PRKAG2: variants seen among roughly 807,000 people sequenced by gnomAD.
The protein encoded by PRKAG2 is 5'-AMP-activated protein kinase subunit gamma-2.
Under a neutral mutation model 69.6 loss-of-function variants are expected in PRKAG2, and 26 were observed. That is an observed-to-expected ratio of 0.37 (90% confidence interval 0.27 to 0.52). The LOEUF is 0.52. PRKAG2 is among the 20% of genes least tolerant of loss of function. The pLI is 0.90. For synonymous variants in PRKAG2, 293 were observed against 285.0 expected (o/e 1.03, Z -0.28); for missense variants, 557 against 740.0 (o/e 0.75, Z 2.87).
rs749721119 is a variant in PRKAG2, at chr7:151,807,420, C to T, written c.115-20879G>A. On this transcript the variant is annotated intron_variant, in intron 1 of 15. Coordinates refer to ENST00000287878, the MANE Select transcript of PRKAG2 (RefSeq NM_016203.4). The surrounding 1 kb of genome is among the most constrained non-coding windows in gnomAD (Gnocchi z 4.4). Reference sequence around the variant, plus strand: ...AGCTGTGCTGTGGGTGACGGTCATACTTTATTCTCTAAAACTCTCCAGTTT... The same window carrying T: ...AGCTGTGCTGTGGGTGACGGTCATATTTTATTCTCTAAAACTCTCCAGTTT... The T allele has an allele frequency of 2.6e-5, 12 of 457,740 alleles. No homozygotes were observed. Among genetic ancestry groups the T allele is most frequent in the Non-Finnish European group, 3.5e-5 (8 of 226,978 alleles). 28.4% of individuals were successfully genotyped at this position (457,740 alleles called of 1,614,324 possible).
At chr7:151,823,373 G>A (rs372528775) in intron 1 of PRKAG2, among the ~76,000 whole-genome samples, 3 of 151,416 alleles carry the variant, frequency 2.0e-5, no homozygotes, top group Non-Finnish European at 4.4e-5. Flanking sequence ...GCTTGCACCC[G>A]CAAAAAAGAC....
intron 1 of PRKAG2, among the ~76,000 whole-genome samples, chr7:151,844,839 C>T (rs1273513893): frequency 1.3e-5 from 2 of 152,212 alleles, no homozygotes; most frequent in Non-Finnish European, 2.9e-5. Context: ...ATGAATAAAT[C>T]GGTATCATTC....
chr7:151,870,157 G>GATGATAGA (rs1563769271), intron 1 of PRKAG2, among the ~76,000 whole-genome samples: 3 of 112,620 alleles, frequency 2.7e-5, no homozygotes, highest in Admixed American at 1.8e-4. Context: ...AGATAGATAG[G>GATGATAGA]CAGGCAGGCA....
intron 8 of PRKAG2, among the ~76,000 whole-genome samples, chr7:151,573,716 A>G (rs917936210): frequency 6.6e-6 from 1 of 152,214 alleles, no homozygotes; most frequent in Non-Finnish European, 1.5e-5. Context: ...AAGAAATAAT[A>G]CACTTCATGG....
rs201735117 is a variant in PRKAG2 at position 151,632,073 on chromosome 7, G to A, written c.750C>T (p.Asp250=). The change falls in exon 5 of 16, where the codon GAC becomes GAT. Residue 250 remains aspartate, a synonymous_variant. Transcript: ENST00000287878. This position sits in a 1 kb window ranked among gnomAD's most constrained non-coding sequence, Gnocchi z 4.2. ...AGMLEKLEFE[D]EAVEDSESGV... ...CAGCGGGCGGGGCGCACTCACCTTC[G>A]TCCTCGAACTCCAGCTTCTCCAGCA... The A allele has an allele frequency of 1.4e-4, 196 of 1,403,388 alleles. No homozygotes were observed. In the East Asian group the frequency reaches 4.6e-3, roughly 33 times the overall value. 86.9% of individuals were successfully genotyped at this position (1,403,388 alleles called of 1,614,324 possible).
intron 1 of PRKAG2, among the ~76,000 whole-genome samples, chr7:151,791,040 G>T (rs954863068): frequency 6.6e-6 from 1 of 152,152 alleles, no homozygotes; most frequent in Non-Finnish European, 1.5e-5. Flanking sequence ...GCCCAACATC[G>T]TGGCCTGCTG....
In PRKAG2 at chr7:151,567,525, C is replaced by T. The variant is rs539467213; in HGVS notation, c.1233+1191G>A. 1.3e-3 allele frequency among the ~76,000 whole-genome samples: 196 copies of T among 152,124 alleles called. No homozygotes were observed. The highest frequency in any genetic ancestry group is 2.3e-3 in the Non-Finnish European group (157 of 68,012). Reference sequence around the variant, plus strand: ...GGGGGCCCTGAATACATCCTTCCCACCCCATGCTCCCTCTGTTCCTATTAA... The same window carrying T: ...GGGGGCCCTGAATACATCCTTCCCATCCCATGCTCCCTCTGTTCCTATTAA... On this transcript the variant is annotated intron_variant, in intron 11 of 15. Coordinates refer to ENST00000287878, the MANE Select transcript of PRKAG2 (RefSeq NM_016203.4). The surrounding 1 kb of genome is among the most constrained non-coding windows in gnomAD (Gnocchi z 4.2).
intron 1 of PRKAG2, among the ~76,000 whole-genome samples, chr7:151,863,122 C>T (rs1586742759): frequency 1.3e-5 from 2 of 151,366 alleles, no homozygotes; most frequent in Admixed American, 6.6e-5. Flanking sequence ...ACTGGTAGGT[C>T]CCCGGGTACA....
At chr7:151,654,144 CAT>C (rs1270476981) in intron 4 of PRKAG2, among the ~76,000 whole-genome samples, 1 of 152,080 alleles carries the variant, frequency 6.6e-6, no homozygotes, top group African/African-American at 2.4e-5. Flanking sequence ...TTGAAATAGT[CAT>C]ACAGTGTTCA....
chr7:151,731,956 GCCTC>G (rs1032493750), intron 3 of PRKAG2, among the ~76,000 whole-genome samples: 33 of 151,852 alleles, frequency 2.2e-4, no homozygotes, highest in African/African-American at 7.7e-4. Context: ...TCCCACCTTA[GCCTC>G]CCCAGTAGCT....
At chr7:151,795,507 G>A (rs377750154) in intron 1 of PRKAG2, among the ~76,000 whole-genome samples, 42 of 152,278 alleles carry the variant, frequency 2.8e-4, no homozygotes, top group African/African-American at 8.9e-4. Flanking sequence ...ACATCCCATC[G>A]TGGAGTCAGT....
chr7:151,687,216 G>T (rs1216444678), intron 3 of PRKAG2, among the ~76,000 whole-genome samples: 1 of 152,162 alleles, frequency 6.6e-6, no homozygotes, highest in African/African-American at 2.4e-5. Context: ...CCTTCTTCAC[G>T]CTTGCTTGGA....
At chr7:151,703,845 A>T (rs1481082876) in intron 3 of PRKAG2, among the ~76,000 whole-genome samples, 1 of 88,494 alleles carries the variant, frequency 1.1e-5, no homozygotes, top group South Asian at 5.4e-4. Flanking sequence ...TTTACTGGAA[A>T]ACACACACAC....
intron 1 of PRKAG2, among the ~76,000 whole-genome samples, chr7:151,831,814 C>T (rs1313963787): frequency 2.0e-5 from 3 of 152,292 alleles, no homozygotes; most frequent in Admixed American, 1.3e-4. Flanking sequence ...TGCTGTGTCC[C>T]TGGCCTGCCT....
At chr7:151,649,800 G>A (rs751205057) in intron 4 of PRKAG2, among the ~76,000 whole-genome samples, 5 of 152,110 alleles carry the variant, frequency 3.3e-5, no homozygotes, top group Admixed American at 6.6e-5. Context: ...GAAGCCGAGC[G>A]GATACCAGCA....
intron 3 of PRKAG2, among the ~76,000 whole-genome samples, chr7:151,710,956 G>T (rs558021286): frequency 1.3e-5 from 2 of 151,878 alleles, no homozygotes; most frequent in African/African-American, 2.4e-5. Flanking sequence ...CTAGGCATAT[G>T]GTACCAGCAG....
At chr7:151,702,756 G>C (rs560194339) in intron 3 of PRKAG2, among the ~76,000 whole-genome samples, 1 of 152,198 alleles carries the variant, frequency 6.6e-6, no homozygotes, top group Non-Finnish European at 1.5e-5. Flanking sequence ...GTGAAGGCCT[G>C]GGGGGCACAG....
chr7:151,855,578 A>ACACACACACTTTACACACACACCACCCTC (rs1563757943), intron 1 of PRKAG2, among the ~76,000 whole-genome samples: 95 of 45,382 alleles, frequency 2.1e-3, no homozygotes, highest in South Asian at 0.015. Context: ...ACACCACCCT[A>ACACACACACTTTACACACACACCACCCTC]CACACACACC....
intron 5 of PRKAG2, among the ~76,000 whole-genome samples, chr7:151,616,037 T>C (rs890273739): frequency 6.6e-6 from 1 of 152,240 alleles, no homozygotes. Context: ...TGTGGGGCCC[T>C]GACTTAGTCA....
Sources: gnomAD v4.1 joint callset for allele counts (sites outside exome capture counted in the v4.1 genomes callset) on GRCh38, gnomAD v4.1.1 for gene constraint, Gnocchi (gnomAD v3.1) non-coding constraint, MANE v1.5 for transcripts, NCBI Gene and HGNC (gene_info 2026-07-23, HGNC 2026-07-21) for gene names.